PYY: variants seen among roughly 807,000 people sequenced by gnomAD.
The protein encoded by PYY is peptide YY.
In PYY, 12 loss-of-function variants were observed where a neutral mutation model predicts 10.3. The ratio of observed to expected loss-of-function variants is 1.17; its 90% confidence interval spans 0.75 to 1.89. The LOEUF is 1.89. Ranked by LOEUF, PYY falls within the 40% of genes most tolerant of loss-of-function variation. The pLI is 0.00. For missense variants in PYY, 141 were observed against 134.0 expected, an observed-to-expected ratio of 1.05 and a Z score of -0.26; for synonymous variants, 66 against 62.0, an observed-to-expected ratio of 1.06 and a Z score of -0.30.
At chr17:43,979,978 G>T (rs931401252) in intron 1 of PYY, among the ~76,000 whole-genome samples, 4 of 152,040 alleles carry the variant, frequency 2.6e-5, no homozygotes, top group Admixed American at 1.3e-4. Flanking sequence ...CAAACAAAGC[G>T]CATCAATGCA....
chr17:43,964,338 G>C (rs1266521379), intron 2 of PYY, among the ~76,000 whole-genome samples: 2 of 152,146 alleles, frequency 1.3e-5, no homozygotes, highest in Non-Finnish European at 2.9e-5. Flanking sequence ...AGATCTCAGG[G>C]AATATTATGC....
At chr17:43,976,774 A>G (rs910580548) in intron 1 of PYY, among the ~76,000 whole-genome samples, 2 of 152,178 alleles carry the variant, frequency 1.3e-5, no homozygotes, top group Admixed American at 6.5e-5. Flanking sequence ...TCTGTCTCAA[A>G]CCAAAAACAT....
At chr17:43,959,295 G>C (rs2048695939) in intron 2 of PYY, among the ~76,000 whole-genome samples, 1 of 152,166 alleles carries the variant, frequency 6.6e-6, no homozygotes. Context: ...CAAAACAAGG[G>C]CTTCTCTAGT....
intron 1 of PYY, among the ~76,000 whole-genome samples, chr17:43,986,015 G>A (rs775812782): frequency 6.6e-6 from 1 of 152,176 alleles, no homozygotes; most frequent in South Asian, 2.1e-4. Context: ...CCAGCACTTT[G>A]GGAGGCTGAA....
chr17:43,966,755 T>C (rs2048758066), intron 1 of PYY, among the ~76,000 whole-genome samples: 1 of 152,186 alleles, frequency 6.6e-6, no homozygotes, highest in Admixed American at 6.5e-5. Context: ...GGAGGCTCCA[T>C]GAGAGCAGAG....
chr17:43,994,050 CT>C (rs1304060011), intron 1 of PYY, among the ~76,000 whole-genome samples: 3 of 151,940 alleles, frequency 2.0e-5, no homozygotes, highest in Admixed American at 6.6e-5. Flanking sequence ...GATGAGGTCT[CT>C]CTACATTACC....
chr17:43,976,591 G>A (rs1229818849), intron 1 of PYY, among the ~76,000 whole-genome samples: 1 of 151,984 alleles, frequency 6.6e-6, no homozygotes, highest in African/African-American at 2.4e-5. Context: ...GGCCAACATG[G>A]TGAAACCCCA....
At chr17:43,972,538 CA>C (rs1324390751) in intron 1 of PYY, among the ~76,000 whole-genome samples, 1 of 54,454 alleles carries the variant, frequency 1.8e-5, no homozygotes, top group Non-Finnish European at 3.1e-5. Flanking sequence ...CTTTAAAAAA[CA>C]TTTTTTTTTT....
At chr17:43,963,578 G>GA (rs1555617091) in intron 2 of PYY, among the ~76,000 whole-genome samples, 5 of 68,832 alleles carry the variant, frequency 7.3e-5, no homozygotes, top group African/African-American at 2.0e-4. Context: ...GGAAAAGAAA[G>GA]AAAGAAAGAA....
intron 1 of PYY, among the ~76,000 whole-genome samples, chr17:44,000,960 T>C (rs2049022415): frequency 6.6e-6 from 1 of 152,204 alleles, no homozygotes; most frequent in African/African-American, 2.4e-5. Flanking sequence ...GATGAGTGTC[T>C]GTGTGACTGT....
In PYY at chr17:43,987,280, C is replaced by T. The variant is rs534094625; in HGVS notation, c.-463+17111G>A. On this transcript the variant is annotated intron_variant, in intron 1 of 6. Coordinates refer to the PYY transcript ENST00000360085. The surrounding 1 kb of genome is among the most constrained non-coding windows in gnomAD (Gnocchi z 4.0). ...CCGCTGCTCTCTGACTTAATTACTT[C>T]TCCTCCTGGCTGTAATGAATGTTTC... Among the ~76,000 whole-genome samples, 3 of 152,310 alleles carry T rather than the reference C, an allele frequency of 2.0e-5. No homozygotes were observed. In the South Asian group the frequency reaches 6.2e-4, roughly 32 times the overall value.
At chr17:43,989,156 C>G (rs965742295) in intron 1 of PYY, among the ~76,000 whole-genome samples, 2 of 151,990 alleles carry the variant, frequency 1.3e-5, no homozygotes, top group African/African-American at 4.8e-5. Flanking sequence ...GGGCGGATCA[C>G]GAGGTCAGGA....
At chr17:43,970,359 T>C (rs1474029815) in intron 1 of PYY, among the ~76,000 whole-genome samples, 1 of 151,716 alleles carries the variant, frequency 6.6e-6, no homozygotes, top group African/African-American at 2.4e-5. Context: ...AATACAAAAA[T>C]TCCTGGGCGT....
At chr17:44,002,597 T>C (rs1309858446) in intron 1 of PYY, among the ~76,000 whole-genome samples, 1 of 152,230 alleles carries the variant, frequency 6.6e-6, no homozygotes, top group African/African-American at 2.4e-5. Flanking sequence ...TGAAGTAACA[T>C]TGAATCATAT....
At chr17:43,960,426 C>T (rs1313200064) in intron 2 of PYY, among the ~76,000 whole-genome samples, 1 of 143,528 alleles carries the variant, frequency 7.0e-6, no homozygotes, top group African/African-American at 2.6e-5. Context: ...GCCTGTAATC[C>T]CAGCTACTCA....
intron 2 of PYY, 42 bp from the exon 3 acceptor site, chr17:43,953,231 GC>G (rs1194673138): frequency 1.2e-6 from 2 of 1,601,404 alleles, no homozygotes; most frequent in Non-Finnish European, 8.5e-7. Context: ...ATCTGGCCAC[GC>G]CCCCAGGTGG....
At chr17:44,003,392 C>G (rs1597862981) in intron 1 of PYY, among the ~76,000 whole-genome samples, 1 of 152,150 alleles carries the variant, frequency 6.6e-6, no homozygotes, top group Non-Finnish European at 1.5e-5. Context: ...CGTGGTGGCT[C>G]ACGCCTGTAA....
intron 2 of PYY, among the ~76,000 whole-genome samples, chr17:43,963,176 A>C (rs2048723970): frequency 6.6e-6 from 1 of 152,196 alleles, no homozygotes; most frequent in African/African-American, 2.4e-5. Flanking sequence ...GCAATGTAAA[A>C]GTATTAAGCT....
chr17:43,989,146 G>A (rs564711047), intron 1 of PYY, among the ~76,000 whole-genome samples: 12 of 151,942 alleles, frequency 7.9e-5, no homozygotes, highest in East Asian at 2.0e-4. Context: ...AGGCCAAGGC[G>A]GGCGGATCAC....
Sources: allele counts gnomAD v4.1 joint callset (sites outside exome capture counted in the v4.1 genomes callset), GRCh38; gene constraint gnomAD v4.1.1; non-coding constraint Gnocchi (gnomAD v3.1); transcripts MANE v1.5; gene names NCBI Gene and HGNC (gene_info 2026-07-23, HGNC 2026-07-21).